The following NEMP2 variants were observed in gnomAD, a reference collection of about 807,000 sequenced individuals.
The protein encoded by NEMP2 is UPF0571 transmembrane protein.
In NEMP2, 53 loss-of-function variants were observed where a neutral mutation model predicts 54.2. The observed-to-expected ratio is 0.98, with a 90% CI of 0.78 to 1.23. The LOEUF is 1.23. Ranked by LOEUF, NEMP2 falls within the 50% of genes most tolerant of loss-of-function variation. The pLI is 0.00. For missense variants in NEMP2, 455 were observed against 511.3 expected, an observed-to-expected ratio of 0.89 and a Z score of 1.06; for synonymous variants, 197 against 190.3, an observed-to-expected ratio of 1.04 and a Z score of -0.29.
At chr2:190,572,836 TATATATATATATATATATATATA>T in the NEMP2 span, among the ~76,000 whole-genome samples, 18 of 93,918 alleles carry the variant, frequency 1.9e-4, no homozygotes, top group South Asian at 1.9e-3. Context: ...TTCATGAGTA[TATATATATATATATATATATATA>T]TATATATATA....
At chr2:190,465,773 A>G in the NEMP2 span, among the ~76,000 whole-genome samples, 91 of 152,242 alleles carry the variant, frequency 6.0e-4, no homozygotes, top group South Asian at 1.0e-3. This position sits in a 1 kb window ranked among gnomAD's most constrained non-coding sequence, Gnocchi z 4.6. Flanking sequence ...CAGGTGGATC[A>G]CTTTAGGTTT....
chr2:190,576,684 A>G, the NEMP2 span, among the ~76,000 whole-genome samples: 1 of 151,806 alleles, frequency 6.6e-6, no homozygotes, highest in Non-Finnish European at 1.5e-5. Context: ...CTTGTTTCGT[A>G]TGTGTTTTGG....
In NEMP2 at chr2:190,518,750, T is replaced by C. The variant is rs781697176; in HGVS notation, c.504A>G (p.Ala168=). The change falls in exon 4 of 9, where the codon GCA becomes GCG. Residue 168 remains alanine (A), a synonymous_variant. Transcript: ENST00000409150. The stretch of plus-strand genomic sequence containing the variant: ...GGAATACTTACTGACTCAGGGTCCT[T>C]GCATAAAAGAAAAGAAAAACTCCTG... ...FVAGVFLFFY[A]RTLSQSPTFY... The C allele has an allele frequency of 5.8e-6, 9 of 1,543,502 alleles. No homozygotes were observed. Among genetic ancestry groups the C allele is most frequent in the Non-Finnish European group, 7.9e-6 (9 of 1,145,126 alleles).
At chr2:190,535,812 A>G (rs548851268), upstream of NEMP2, 1 of 152,216 alleles carries the variant, frequency 6.6e-6, no homozygotes, top group African/African-American at 2.4e-5. Flanking sequence ...ATAAACCATC[A>G]TTACTTGAGT....
the NEMP2 span, among the ~76,000 whole-genome samples, chr2:190,447,445 C>A: frequency 6.6e-6 from 1 of 152,124 alleles, no homozygotes; most frequent in East Asian, 1.9e-4. The surrounding 1 kb of genome is among the most constrained non-coding windows in gnomAD (Gnocchi z 4.5). Context: ...ACTGCTAAGT[C>A]CTCTGCTAAT....
At chr2:190,588,746 GT>G in the NEMP2 span, among the ~76,000 whole-genome samples, 1 of 152,116 alleles carries the variant, frequency 6.6e-6, no homozygotes, top group African/African-American at 2.4e-5. This position sits in a 1 kb window ranked among gnomAD's most constrained non-coding sequence, Gnocchi z 5.0. Context: ...GAGAAGAGCT[GT>G]CCAAAGCCCT....
At chr2:190,469,846 G>C in the NEMP2 span, 5 of 1,597,254 alleles carry the variant, frequency 3.1e-6, no homozygotes, top group African/African-American at 1.3e-5. This position sits in a 1 kb window ranked among gnomAD's most constrained non-coding sequence, Gnocchi z 5.3. Flanking sequence ...CCCCATGGAA[G>C]TTCTTCAAGG....
At chr2:190,628,763 G>GA in the NEMP2 span, 3 of 152,242 alleles carry the variant, frequency 2.0e-5, no homozygotes, top group African/African-American at 7.2e-5. The surrounding 1 kb of genome is among the most constrained non-coding windows in gnomAD (Gnocchi z 4.1). Context: ...TCTACAGTGA[G>GA]AAAAATAGAC....
chr2:190,648,726 G>C, the NEMP2 span, among the ~76,000 whole-genome samples: 1 of 151,216 alleles, frequency 6.6e-6, no homozygotes, highest in African/African-American at 2.4e-5. Context: ...CGCGCCCGGA[G>C]CGGGACTCGC....
chr2:190,512,190 T>A lies in NEMP2; in HGVS notation c.954-1653A>T, dbSNP rs532264297. 9.9e-5 allele frequency among the ~76,000 whole-genome samples: 15 copies of A among 152,250 alleles called. No individual in the cohort carries two copies. The highest frequency in any genetic ancestry group is 3.3e-4 in the Admixed American group (5 of 15,298). The stretch of plus-strand genomic sequence containing the variant: ...CTGGCTTTGAGATTTATTCACTATA[T>A]GAACTTGGGGAATTCCTTAACAGTT... On this transcript the variant is annotated intron_variant, in intron 7 of 8. Coordinates refer to ENST00000409150, the MANE Select transcript of NEMP2 (RefSeq NM_001142645.2). The surrounding 1 kb of genome is among the most constrained non-coding windows in gnomAD (Gnocchi z 4.5).
chr2:190,540,152 T>G, the NEMP2 span, among the ~76,000 whole-genome samples: 2 of 152,230 alleles, frequency 1.3e-5, no homozygotes, highest in East Asian at 1.9e-4. Flanking sequence ...ATTGAATGTT[T>G]TTCCAGCATG....
the NEMP2 span, among the ~76,000 whole-genome samples, chr2:190,492,762 CACTACCAAGCCAGCACTCCAAGA>C: frequency 2.2e-4 from 33 of 151,638 alleles, no homozygotes; most frequent in South Asian, 1.9e-3. This position sits in a 1 kb window ranked among gnomAD's most constrained non-coding sequence, Gnocchi z 5.2. Flanking sequence ...GAGAATTCAC[CACTACCAAGCCAGCACTCCAAGA>C]ACTACCAAGC....
downstream of NEMP2, chr2:190,499,790 C>T (rs769649749): frequency 3.1e-5 from 46 of 1,503,188 alleles, 1 homozygote; most frequent in South Asian, 4.8e-5. This position sits in a 1 kb window ranked among gnomAD's most constrained non-coding sequence, Gnocchi z 6.0. Context: ...CCACAAGACA[C>T]GTCTGCTTAT....
chr2:190,643,184 T>G, the NEMP2 span, among the ~76,000 whole-genome samples: 1 of 152,174 alleles, frequency 6.6e-6, no homozygotes. Context: ...AGTTGCTCCT[T>G]CCAAGGGGGC....
At chr2:190,481,434 T>A in the NEMP2 span, among the ~76,000 whole-genome samples, 1 of 152,238 alleles carries the variant, frequency 6.6e-6, no homozygotes, top group Admixed American at 6.5e-5. Context: ...CCATAAATGC[T>A]TTCTTCGTCA....
At chr2:190,612,916 A>T in the NEMP2 span, among the ~76,000 whole-genome samples, 2,558 of 151,644 alleles carry the variant, frequency 0.017, 24 homozygotes, top group Non-Finnish European at 0.028. Flanking sequence ...CCTACAATAT[A>T]TTTTAATTGG....
chr2:190,481,060 T>C, the NEMP2 span, among the ~76,000 whole-genome samples: 1 of 152,234 alleles, frequency 6.6e-6, no homozygotes, highest in Non-Finnish European at 1.5e-5. Context: ...TTGAGGAAGA[T>C]AAGTGAAATC....
At chr2:190,482,903 T>TTTTTTTTTTTTTTTTTTTTTTTTTTTG in the NEMP2 span, among the ~76,000 whole-genome samples, 13 of 86,250 alleles carry the variant, frequency 1.5e-4, 6 homozygotes, top group East Asian at 8.2e-4. Flanking sequence ...TTTTTTTTTT[T>TTTTTTTTTTTTTTTTTTTTTTTTTTTG]AGACGGAGTC....
chr2:190,474,866 C>T, the NEMP2 span, among the ~76,000 whole-genome samples: 1 of 152,262 alleles, frequency 6.6e-6, no homozygotes, highest in African/African-American at 2.4e-5. Flanking sequence ...AGCTTATCCA[C>T]CATGATCAAG....
Sources: gnomAD v4.1 joint callset for allele counts (sites outside exome capture counted in the v4.1 genomes callset) on GRCh38, gnomAD v4.1.1 for gene constraint, Gnocchi (gnomAD v3.1) non-coding constraint, MANE v1.5 for transcripts, NCBI Gene and HGNC (gene_info 2026-07-23, HGNC 2026-07-21) for gene names.